Variants in ZNF157 observed in about 807,000 individuals in gnomAD.
ZNF157 encodes the protein zinc finger protein 22.
ZNF157 carries 8 observed loss-of-function variants against 9.4 expected under a neutral mutation model. That is an observed-to-expected ratio of 0.85 (90% confidence interval 0.50 to 1.53). The LOEUF is 1.53. ZNF157 is among the 40% of genes most tolerant of loss of function. The pLI, the probability that ZNF157 is intolerant of heterozygous loss-of-function variation, is 0.00. For missense variants in ZNF157, 316 were observed against 385.2 expected (o/e 0.82, Z 1.50); for synonymous variants, 120 against 130.8 (o/e 0.92, Z 0.56).
intron 1 of ZNF157, among the ~76,000 whole-genome samples, chrX:47,391,966 C>T (rs192471639): frequency 6.5e-4 from 71 of 109,629 alleles, no homozygotes; most frequent in African/African-American, 2.3e-3. Flanking sequence ...CTCAGCTCAC[C>T]GCAAGCTCCA....
chrX:47,387,782 A>AATCCC (rs1165484891), intron 1 of ZNF157, among the ~76,000 whole-genome samples: 3 of 105,618 alleles, frequency 2.8e-5, no homozygotes, highest in Non-Finnish European at 5.8e-5. Flanking sequence ...ACATACCTGT[A>AATCCC]ATCCCAGCTA....
intron 1 of ZNF157, among the ~76,000 whole-genome samples, chrX:47,399,296 C>A (rs1474375046): frequency 6.3e-5 from 7 of 111,237 alleles, no homozygotes; most frequent in Admixed American, 4.9e-4. Flanking sequence ...TCACTGTCAA[C>A]CGCAATTTTG....
At chrX:47,394,025 C>T (rs961370582) in intron 1 of ZNF157, among the ~76,000 whole-genome samples, 7 of 107,241 alleles carry the variant, frequency 6.5e-5, no homozygotes, top group Non-Finnish European at 1.2e-4. Context: ...GGCAGTGGCA[C>T]GATCTCAGCT....
At chrX:47,409,764 C>T (rs1171576384) in intron 1 of ZNF157, among the ~76,000 whole-genome samples, 2 of 109,200 alleles carry the variant, frequency 1.8e-5, no homozygotes, top group East Asian at 5.7e-4. Flanking sequence ...CTGCCTCCGC[C>T]TCCTGAGTAG....
chrX:47,376,571 G>A (rs1406401094), intron 1 of ZNF157, among the ~76,000 whole-genome samples: 1 of 111,174 alleles, frequency 9.0e-6, no homozygotes, highest in African/African-American at 3.3e-5. Flanking sequence ...AGCCACGATC[G>A]CGTCATTGTA....
chrX:47,406,824 T>C (rs1602773517), intron 1 of ZNF157, among the ~76,000 whole-genome samples: 2 of 112,644 alleles, frequency 1.8e-5, no homozygotes, highest in East Asian at 5.5e-4. Context: ...GTTATATGCC[T>C]TTTATTTCCT....
chrX:47,413,369 C>A lies in ZNF157; in HGVS notation c.1296C>A (p.His432Gln), dbSNP rs1305965975. ...IFSMKKSLCQ[H>Q]RRTHTGEKPY... ...GTATGAAGAAATCCCTTTGTCAACA[C>A]CGGAGAACTCACACAGGAGAGAAAC... Residue 432 changes from histidine (H) to glutamine (Q), a missense_variant, in exon 4 of 4, where the codon CAC becomes CAA. Coordinates refer to ENST00000377073, the MANE Select transcript of ZNF157 (RefSeq NM_003446.4). 1 of 1,208,255 alleles carries A rather than the reference C, an allele frequency of 8.3e-7. No individual in the cohort carries two copies. Among genetic ancestry groups the A allele is most frequent in the South Asian group, 1.8e-5 (1 of 56,476 alleles).
chrX:47,379,413 ATTT>A (rs780089057), intron 1 of ZNF157, among the ~76,000 whole-genome samples: 3 of 94,091 alleles, frequency 3.2e-5, no homozygotes, highest in Admixed American at 1.2e-4. Flanking sequence ...TTTTGAGTTA[ATTT>A]TTTTTTTTTT....
intron 1 of ZNF157, among the ~76,000 whole-genome samples, chrX:47,384,133 C>T (rs2055872600): frequency 9.2e-6 from 1 of 108,472 alleles, no homozygotes; most frequent in South Asian, 3.9e-4. Context: ...AAAAAATTAG[C>T]TGGGTGTGGT....
intron 1 of ZNF157, among the ~76,000 whole-genome samples, chrX:47,397,914 GC>G: frequency 9.0e-6 from 1 of 111,203 alleles, no homozygotes; most frequent in Middle Eastern, 4.7e-3. Flanking sequence ...CACCAGTGGA[GC>G]ATAATATCAT....
intron 1 of ZNF157, among the ~76,000 whole-genome samples, chrX:47,397,425 A>T (rs1253170731): frequency 3.1e-5 from 3 of 97,624 alleles, no homozygotes; most frequent in Non-Finnish European, 4.1e-5. Context: ...TTATTTTTTT[A>T]TTTTTTTTGA....
chrX:47,401,933 C>T (rs1602771174), intron 1 of ZNF157, among the ~76,000 whole-genome samples: 2 of 110,710 alleles, frequency 1.8e-5, no homozygotes, highest in South Asian at 7.8e-4. Flanking sequence ...GACAGGGTCT[C>T]ACTATGTTGC....
At chrX:47,380,897 AAG>A (rs1477586607) in intron 1 of ZNF157, among the ~76,000 whole-genome samples, 2 of 96,899 alleles carry the variant, frequency 2.1e-5, no homozygotes, top group Non-Finnish European at 4.2e-5. Flanking sequence ...GAGGAGGAGA[AAG>A]AGAAGGAGGA....
chrX:47,411,092 G>A (rs945451924), intron 3 of ZNF157, among the ~76,000 whole-genome samples: 1 of 108,733 alleles, frequency 9.2e-6, no homozygotes, highest in Admixed American at 9.9e-5. Context: ...GGGCTCAAGC[G>A]ATTCTCCTGC....
At chrX:47,410,197 C>T (rs2055959933) in intron 1 of ZNF157, 79 bp from the exon 2 acceptor site, 2 of 1,170,828 alleles carry the variant, frequency 1.7e-6, no homozygotes, top group African/African-American at 1.8e-5. Flanking sequence ...CAACTTTCAA[C>T]AGGGCTCCAT....
intron 1 of ZNF157, among the ~76,000 whole-genome samples, chrX:47,391,680 A>G (rs1171287803): frequency 9.0e-6 from 1 of 110,750 alleles, no homozygotes; most frequent in Non-Finnish European, 1.9e-5. Context: ...TCTCCTGAGT[A>G]GCTGGCACTA....
Position 47,413,805 on chromosome X carries a change from A to G in ZNF157, c.*211A>G. The G allele has an allele frequency of 2.1e-6, 1 of 472,753 alleles. No homozygotes were observed. The highest frequency in any genetic ancestry group is 3.1e-6 in the Non-Finnish European group (1 of 318,321). 39.0% of individuals were successfully genotyped at this position (472,753 alleles called of 1,213,427 possible). The stretch of plus-strand genomic sequence containing the variant: ...GCTATTTGGGTTTTTTCTTCTGTGC[A>G]TTGACTGTTCATGTCCTCTGCTCAT... On this transcript the variant is annotated 3_prime_UTR_variant, in exon 4 of 4. Coordinates refer to ENST00000377073, the MANE Select transcript of ZNF157 (RefSeq NM_003446.4).
chrX:47,384,253 A>C (rs770544833), intron 1 of ZNF157, among the ~76,000 whole-genome samples: 112 of 111,750 alleles, frequency 1.0e-3, no homozygotes, highest in African/African-American at 3.3e-3. Flanking sequence ...TAAATAAATA[A>C]GTTTTTTTTA....
At chrX:47,376,802 G>T (rs773953600) in intron 1 of ZNF157, among the ~76,000 whole-genome samples, 2 of 111,522 alleles carry the variant, frequency 1.8e-5, no homozygotes, top group South Asian at 3.8e-4. Flanking sequence ...AAACCTCCGA[G>T]CTGTCCTTGT....
Sources: gnomAD v4.1 joint callset for allele counts (sites outside exome capture counted in the v4.1 genomes callset) on GRCh38, gnomAD v4.1.1 for gene constraint, MANE v1.5 for transcripts, NCBI Gene and HGNC (gene_info 2026-07-23, HGNC 2026-07-21) for gene names.